The following SPIDR variants were observed in gnomAD, a reference collection of about 807,000 sequenced individuals.
SPIDR encodes scaffold protein involved in DNA repair.
A neutral mutation model predicts 104.6 loss-of-function variants in SPIDR; 93 were observed. The observed-to-expected ratio is 0.89, with a 90% CI of 0.75 to 1.06. The LOEUF (loss-of-function observed/expected upper bound fraction) is 1.06, where lower values mean the gene tolerates loss of function less well. Ranked by LOEUF, SPIDR falls within the 50% of genes least tolerant of loss-of-function variation. The pLI, the probability that SPIDR is intolerant of heterozygous loss-of-function variation, is 0.00. For missense variants in SPIDR, 1,154 were observed against 1,111.2 expected, an observed-to-expected ratio of 1.04 and a Z score of -0.55; for synonymous variants, 431 against 416.9, an observed-to-expected ratio of 1.03 and a Z score of -0.41.
intron 8 of SPIDR, among the ~76,000 whole-genome samples, chr8:47,512,463 T>C (rs918920109): frequency 6.6e-6 from 1 of 152,204 alleles, no homozygotes; most frequent in East Asian, 1.9e-4. Context: ...CTGTTCCCCC[T>C]CTCTCTGTTT....
intron 1 of SPIDR, among the ~76,000 whole-genome samples, chr8:47,278,128 T>C (rs1458716410): frequency 6.6e-6 from 1 of 150,730 alleles, no homozygotes; most frequent in Non-Finnish European, 1.5e-5. Context: ...ATAGCCATTC[T>C]GGTGGGTGTG....
chr8:47,491,521 G>C (rs2078706004), intron 8 of SPIDR, among the ~76,000 whole-genome samples: 1 of 151,588 alleles, frequency 6.6e-6, no homozygotes. Context: ...CTATAAGTCT[G>C]AAAGAATTTC....
rs191603272 is a variant in SPIDR, at chr8:47,556,305, C to T, written c.1098-39506C>T. 2.6e-5 allele frequency among the ~76,000 whole-genome samples: 4 copies of T among 152,308 alleles called. No homozygotes were observed. In the East Asian group the frequency reaches 5.8e-4, roughly 22 times the overall value. On this transcript the variant is annotated intron_variant, in intron 8 of 19. Coordinates refer to ENST00000297423, the MANE Select transcript of SPIDR (RefSeq NM_001080394.4). ...TAGCTTCCCTAATGATTGTTCCATA[C>T]TGAATCTCAGCCTGCCTCCACCTCT...
chr8:47,389,125 A>G (rs1250339742), intron 5 of SPIDR, among the ~76,000 whole-genome samples: 1 of 152,194 alleles, frequency 6.6e-6, no homozygotes, highest in Non-Finnish European at 1.5e-5. Context: ...CTACATAGTC[A>G]TTCTTTGCTC....
chr8:47,464,329 A>G (rs575604900), intron 8 of SPIDR, among the ~76,000 whole-genome samples: 228 of 152,314 alleles, frequency 1.5e-3, no homozygotes, highest in African/African-American at 5.4e-3. Context: ...CCAGACTCTT[A>G]CAATAAAAAC....
chr8:47,598,824 G>A, intron 9 of SPIDR, 122 bp from the exon 10 acceptor site: 1 of 1,254,556 alleles, frequency 8.0e-7, no homozygotes, highest in Non-Finnish European at 1.1e-6. Flanking sequence ...CTTCAGTGTA[G>A]TGCAGATCCA....
chr8:47,369,112 A>T (rs534039945), intron 5 of SPIDR, among the ~76,000 whole-genome samples: 46 of 152,352 alleles, frequency 3.0e-4, no homozygotes, highest in African/African-American at 1.1e-3. Flanking sequence ...ACATTGCAGG[A>T]TATCATAAAA....
At chr8:47,499,097 G>T (rs1007757291) in intron 8 of SPIDR, among the ~76,000 whole-genome samples, 2 of 152,168 alleles carry the variant, frequency 1.3e-5, no homozygotes, top group Non-Finnish European at 2.9e-5. Flanking sequence ...ATGTGGATCA[G>T]TGAGCCTTTA....
intron 5 of SPIDR, among the ~76,000 whole-genome samples, chr8:47,360,183 A>G (rs1241091532): frequency 3.1e-5 from 4 of 129,886 alleles, no homozygotes; most frequent in Non-Finnish European, 4.7e-5. Context: ...CGGAGGTTGC[A>G]GTGAGCGGAG....
intron 11 of SPIDR, among the ~76,000 whole-genome samples, chr8:47,674,993 T>C (rs567711471): frequency 6.6e-6 from 1 of 152,230 alleles, no homozygotes; most frequent in Non-Finnish European, 1.5e-5. Flanking sequence ...GTGTTTTGTT[T>C]TGGTTTGGTT....
At chr8:47,264,804 C>T (rs2033532349) in intron 1 of SPIDR, among the ~76,000 whole-genome samples, 1 of 151,866 alleles carries the variant, frequency 6.6e-6, no homozygotes, top group Non-Finnish European at 1.5e-5. Flanking sequence ...ACCTATATTG[C>T]TGGGTTGATG....
At chr8:47,577,938 A>T (rs2059309291) in intron 8 of SPIDR, among the ~76,000 whole-genome samples, 1 of 152,172 alleles carries the variant, frequency 6.6e-6, no homozygotes, top group African/African-American at 2.4e-5. Flanking sequence ...ACACTGGGAG[A>T]TATAAGGCTG....
chr8:47,459,463 G>A (rs969259081), intron 8 of SPIDR, among the ~76,000 whole-genome samples: 9 of 152,072 alleles, frequency 5.9e-5, no homozygotes, highest in African/African-American at 1.7e-4. Context: ...TTGTATTTCT[G>A]TGGTGTCAGT....
chr8:47,261,915 A>G (rs2032484619), intron 1 of SPIDR, among the ~76,000 whole-genome samples: 1 of 152,236 alleles, frequency 6.6e-6, no homozygotes, highest in Admixed American at 6.5e-5. Context: ...AAGGAAATAT[A>G]TAAATTTGCT....
intron 8 of SPIDR, among the ~76,000 whole-genome samples, chr8:47,577,529 G>A (rs189740530): frequency 9.8e-4 from 149 of 152,300 alleles, no homozygotes; most frequent in Middle Eastern, 3.4e-3. Flanking sequence ...GTGGCCCACC[G>A]TATTGGTGGG....
chr8:47,623,663 G>A (rs1007803171), intron 10 of SPIDR, among the ~76,000 whole-genome samples: 20 of 152,248 alleles, frequency 1.3e-4, no homozygotes, highest in Non-Finnish European at 2.9e-4. Context: ...AATGGTAAAG[G>A]GATCAATTAA....
chr8:47,655,786 A>G (rs947504932), intron 10 of SPIDR, among the ~76,000 whole-genome samples: 1 of 152,162 alleles, frequency 6.6e-6, no homozygotes, highest in Non-Finnish European at 1.5e-5. Flanking sequence ...TGTTTTAGAC[A>G]TGAAGTCCTT....
intron 7 of SPIDR, among the ~76,000 whole-genome samples, chr8:47,418,154 G>A (rs2064715970): frequency 6.6e-6 from 1 of 152,132 alleles, no homozygotes; most frequent in Non-Finnish European, 1.5e-5. Flanking sequence ...TTCCAATTCT[G>A]TGATGAAAGT....
In SPIDR at chr8:47,673,832, A is replaced by G. The variant is rs2076090435; in HGVS notation, c.1576A>G (p.Met526Val). 10 of 1,614,106 alleles carry G rather than the reference A, an allele frequency of 6.2e-6. No homozygotes were observed. The highest frequency in any genetic ancestry group is 8.5e-6 in the Non-Finnish European group (10 of 1,180,002). The change falls in exon 11 of 20, where the codon ATG becomes GTG. Residue 526 changes from methionine to valine, a missense_variant. By Grantham distance (21) the Met-to-Val change is conservative. Coordinates refer to ENST00000297423, the MANE Select transcript of SPIDR (RefSeq NM_001080394.4). ...ACLLVQDACGMFGEVHLEFTM... is the reference protein window; with the variant it reads ...ACLLVQDACGVFGEVHLEFTM... ...CCTTCTGGTACAAGATGCCTGTGGA[A>G]TGTTCGGTGAAGTGCACTTGGAGTT...
Sources: allele counts gnomAD v4.1 joint callset (sites outside exome capture counted in the v4.1 genomes callset), GRCh38; gene constraint gnomAD v4.1.1; transcripts MANE v1.5; gene names NCBI Gene and HGNC (gene_info 2026-07-23, HGNC 2026-07-21).